Variants in TTYH2 observed in about 807,000 individuals in gnomAD.
TTYH2 encodes the protein protein tweety homolog 2.
In TTYH2, 49 loss-of-function variants were observed where a neutral mutation model predicts 68.3. That is an observed-to-expected ratio of 0.72 (90% CI 0.57 to 0.91). TTYH2 has a LOEUF of 0.91. Ranked by LOEUF, TTYH2 falls within the 40% of genes least tolerant of loss-of-function variation. The probability of loss-of-function intolerance (pLI) is 0.00; values close to 1 mark genes in which losing one functional copy is unlikely to be tolerated. For missense variants in TTYH2, 631 were observed against 700.4 expected, an observed-to-expected ratio of 0.90 and a Z score of 1.12; for synonymous variants, 272 against 300.8, an observed-to-expected ratio of 0.90 and a Z score of 0.99.
chr17:74,261,887 A>G lies in TTYH2; in HGVS notation c.*1678A>G, dbSNP rs2050754672. 2.0e-5 allele frequency: 3 copies of G among 152,498 alleles called. No individual in the cohort carries two copies. The highest frequency in any genetic ancestry group is 1.5e-5 in the Non-Finnish European group (1 of 68,034). 9.4% of individuals were successfully genotyped at this position (152,498 alleles called of 1,614,324 possible). On this transcript the variant is annotated 3_prime_UTR_variant, in exon 14 of 14. Coordinates refer to ENST00000269346, the MANE Select transcript of TTYH2 (RefSeq NM_032646.6). ...TGCTTCTTAAAGTTTCATTATTGGC[A>G]ACTAGAGGGTTGTTTTTAATGCATG... is the stretch of plus-strand genomic sequence containing the variant.
rs767010675 is a variant in TTYH2 at position 74,253,229 on chromosome 17, G to A, written c.1408G>A (p.Ala470Thr). 1 of 1,609,134 alleles carries A rather than the reference G, an allele frequency of 6.2e-7. No individual in the cohort carries two copies. Among genetic ancestry groups the A allele is most frequent in the South Asian group, 1.1e-5 (1 of 90,516 alleles). The change falls in exon 12 of 14, where the codon GCC (alanine) becomes ACC (threonine). Residue 470 changes from alanine to threonine, a missense_variant. Coordinates refer to ENST00000269346, the MANE Select transcript of TTYH2 (RefSeq NM_032646.6). ...LGSQTSLQPP[A>T]QTISNAPVSE... is the part of the protein sequence containing the mutation. ...AAGTCAGACCAGCCTGCAGCCCCCG[G>A]CCCAGACCATCTCCAACGCCCCTGT...
chr17:74,260,263 A>C lies in TTYH2; in HGVS notation c.*54A>C. On this transcript the variant is annotated 3_prime_UTR_variant, in exon 14 of 14. Coordinates refer to ENST00000269346, the MANE Select transcript of TTYH2 (RefSeq NM_032646.6). Reference sequence around the variant, plus strand: ...TTCCGTTCTGGTTTTTAATTAGTGCAAATACAAGCTGCGTTTCTTTAATAG... The same window carrying C: ...TTCCGTTCTGGTTTTTAATTAGTGCCAATACAAGCTGCGTTTCTTTAATAG... The C allele has an allele frequency of 6.4e-7, 1 of 1,561,758 alleles. No individual in the cohort carries two copies. The highest frequency in any genetic ancestry group is 8.8e-7 in the Non-Finnish European group (1 of 1,134,450).
rs9895838 is a variant in TTYH2, at chr17:74,235,157, G to A, written c.415-2137G>A. Among the ~76,000 whole-genome samples, 1,433 of 152,260 alleles carry A rather than the reference G, an allele frequency of 9.4e-3. 22 individuals are homozygous for A. The highest frequency in any genetic ancestry group is 0.033 in the African/African-American group (1,352 of 41,540). ...ACAAAGAGAGCCATTCTCTTTTCTG[G>A]AACTAGGAACTCCCAGCGTAGCGCA... On this transcript the variant is annotated intron_variant, in intron 3 of 13. Coordinates refer to ENST00000269346, the MANE Select transcript of TTYH2 (RefSeq NM_032646.6).
At position 74,241,209 on chromosome 17, in the gene TTYH2, C is replaced by T. The variant is rs2050496098; in HGVS notation, c.636-2165C>T. Among the ~76,000 whole-genome samples the T allele has an allele frequency of 6.6e-6, 1 of 151,648 alleles. No homozygotes were observed. The stretch of plus-strand genomic sequence containing the variant: ...GCTGAGGCAGGAGGATCTCTTGAGT[C>T]CAGGAGTTTGAGACCAGCCTGGACA... On this transcript the variant is annotated intron_variant, in intron 4 of 13. Transcript: ENST00000269346. This position sits in a 1 kb window ranked among gnomAD's most constrained non-coding sequence, Gnocchi z 4.1.
At chr17:74,255,158 C>T (rs143782782) in intron 13 of TTYH2, among the ~76,000 whole-genome samples, 17 of 152,396 alleles carry the variant, frequency 1.1e-4, no homozygotes, top group African/African-American at 3.6e-4. Context: ...TTCAGGGACA[C>T]GGACTCCAGT....
Position 74,244,150 on chromosome 17 carries a change from T to C in TTYH2, c.804+101T>C, listed in dbSNP as rs78521711. The stretch of plus-strand genomic sequence containing the variant: ...CAGCTTCCGGTCCCAGCTCCTAACC[T>C]AGAATCCCAGAATCTCAGAACCAAA... On this transcript the variant is annotated intron_variant, in intron 6 of 13. Transcript: ENST00000269346. The C allele has an allele frequency of 2.4e-5, 28 of 1,152,430 alleles. No individual in the cohort carries two copies. The East Asian group carries it at 4.3e-4, about 18-fold the overall frequency. 71.4% of individuals were successfully genotyped at this position (1,152,430 alleles called of 1,614,324 possible). A position where few individuals can be genotyped will look rare whatever the true frequency, so the allele number is the denominator to read the frequency against.
At chr17:74,219,110 A>G (rs950689831) in intron 1 of TTYH2, among the ~76,000 whole-genome samples, 4 of 152,000 alleles carry the variant, frequency 2.6e-5, no homozygotes, top group African/African-American at 9.7e-5. Context: ...CCAGCTACTC[A>G]GGAGGCTGAG....
intron 4 of TTYH2, among the ~76,000 whole-genome samples, chr17:74,238,550 C>T (rs2050467492): frequency 6.6e-6 from 1 of 152,120 alleles, no homozygotes; most frequent in African/African-American, 2.4e-5. Flanking sequence ...AGGCATACAA[C>T]CACACCTGGC....
intron 7 of TTYH2, 21 bp from the exon 8 acceptor site, chr17:74,249,323 C>T (rs1451081723): frequency 5.6e-6 from 9 of 1,614,066 alleles, no homozygotes; most frequent in Admixed American, 1.7e-5. Flanking sequence ...AGCTGCCTAA[C>T]GTTATGCCGT....
rs1484232510 is a variant in TTYH2 at position 74,253,275 on chromosome 17, T to A, written c.1445+9T>A. On this transcript the variant is annotated intron_variant, in intron 12 of 13. Transcript: ENST00000269346. ...CCTGTCTCCGAGTACATGTACGGCC[T>A]GCACACACACCCAGGCTGGGTAGCA... 1.3e-6 allele frequency: 2 copies of A among 1,580,468 alleles called. No individual in the cohort carries two copies. The highest frequency in any genetic ancestry group is 2.7e-5 in the African/African-American group (2 of 73,776).
chr17:74,255,875 T>C (rs2050689009), intron 13 of TTYH2, among the ~76,000 whole-genome samples: 1 of 152,128 alleles, frequency 6.6e-6, no homozygotes. Context: ...ACCCAGATAG[T>C]TTGGAAGGGG....
chr17:74,219,250 C>G (rs901238695), intron 1 of TTYH2, among the ~76,000 whole-genome samples: 1 of 139,050 alleles, frequency 7.2e-6, no homozygotes, highest in African/African-American at 2.8e-5. Context: ...TTAGCTGGGC[C>G]TGGTAGCACA....
intron 5 of TTYH2, 118 bp downstream of exon 5, chr17:74,243,587 C>T (rs2050524270): frequency 9.7e-7 from 1 of 1,025,678 alleles, no homozygotes. Flanking sequence ...TGCCTGAGGC[C>T]ACCTTCTGCC....
chr17:74,218,554 G>A (rs11651866), intron 1 of TTYH2, among the ~76,000 whole-genome samples: 1,521 of 151,078 alleles, frequency 0.01, 14 homozygotes, highest in Non-Finnish European at 0.017. Flanking sequence ...AAATGCCTCC[G>A]AGTTTGGGTT....
chr17:74,253,396 C>T, intron 12 of TTYH2, 130 bp downstream of exon 12: 1 of 1,178,238 alleles, frequency 8.5e-7, no homozygotes, highest in Non-Finnish European at 1.2e-6. Context: ...CCACAGGGTG[C>T]CTGGAGGGAA....
intron 2 of TTYH2, among the ~76,000 whole-genome samples, chr17:74,226,967 C>G (rs927395219): frequency 6.6e-6 from 1 of 151,894 alleles, no homozygotes; most frequent in African/African-American, 2.4e-5. Flanking sequence ...TCTTCCTTTC[C>G]TTTCCTTTTT....
chr17:74,251,568 C>T (rs1481040859), intron 10 of TTYH2, among the ~76,000 whole-genome samples: 11 of 152,090 alleles, frequency 7.2e-5, no homozygotes, highest in Non-Finnish European at 1.3e-4. Flanking sequence ...GCTCTCCTCT[C>T]AGCTGTACCC....
At position 74,214,407 on chromosome 17, in the gene TTYH2, C is replaced by T. The variant is rs1367444862; in HGVS notation, c.129+691C>T. ...TGTCCTGAGGACCCCCTTGCATTGA[C>T]AGTCAGCTTCTCTGTGTCCCCTGGT... On this transcript the variant is annotated intron_variant, in intron 1 of 13. Transcript: ENST00000269346. This position sits in a 1 kb window ranked among gnomAD's most constrained non-coding sequence, Gnocchi z 4.6. 6.6e-6 allele frequency among the ~76,000 whole-genome samples: 1 copy of T among 152,172 alleles called. No homozygotes were observed. The highest frequency in any genetic ancestry group is 1.5e-5 in the Non-Finnish European group (1 of 68,030).
chr17:74,245,405 A>G (rs2050547010), intron 6 of TTYH2, among the ~76,000 whole-genome samples: 1 of 152,218 alleles, frequency 6.6e-6, no homozygotes, highest in Non-Finnish European at 1.5e-5. Flanking sequence ...AGCTGCAGGG[A>G]GCACACGGCG....
Sources: allele counts gnomAD v4.1 joint callset (sites outside exome capture counted in the v4.1 genomes callset), GRCh38; gene constraint gnomAD v4.1.1; non-coding constraint Gnocchi (gnomAD v3.1); transcripts MANE v1.5; gene names NCBI Gene and HGNC (gene_info 2026-07-23, HGNC 2026-07-21).